Variants in KCNG3 observed in about 807,000 individuals in gnomAD.
KCNG3 encodes voltage-gated potassium channel regulatory subunit KCNG3.
KCNG3 carries 15 observed loss-of-function variants against 29.0 expected under a neutral mutation model. That is an observed-to-expected ratio of 0.52 (90% confidence interval 0.35 to 0.80). The LOEUF (loss-of-function observed/expected upper bound fraction) is 0.80. KCNG3 is among the 30% of genes least tolerant of loss of function. The pLI, the probability that KCNG3 is intolerant of heterozygous loss-of-function variation, is 0.01. For missense variants in KCNG3, 512 were observed against 605.7 expected (o/e 0.85, Z 1.62); for synonymous variants, 322 against 248.9 (o/e 1.29, Z -2.76).
chr2:42,466,044 T>C (rs1359403542), intron 1 of KCNG3, among the ~76,000 whole-genome samples: 1 of 152,208 alleles, frequency 6.6e-6, no homozygotes. Flanking sequence ...ATCGTATATA[T>C]GACAGTAGTT....
At chr2:42,409,925 T>G in the KCNG3 span, among the ~76,000 whole-genome samples, 2 of 152,066 alleles carry the variant, frequency 1.3e-5, no homozygotes, top group Non-Finnish European at 2.9e-5. Context: ...AGTCATTTCA[T>G]GAAGCTTACA....
chr2:42,443,931 G>C lies in KCNG3; in HGVS notation c.*3C>G. The C allele has an allele frequency of 6.3e-7, 1 of 1,599,106 alleles. No individual in the cohort carries two copies. The highest frequency in any genetic ancestry group is 8.5e-7 in the Non-Finnish European group (1 of 1,173,066). ...GTGTATGCAAGAATTGATTTGCAAT[G>C]CATTAATTCAGGAATTCAGTGGAGA... On this transcript the variant is annotated 3_prime_UTR_variant, in exon 2 of 2. Coordinates refer to ENST00000306078, the MANE Select transcript of KCNG3 (RefSeq NM_133329.6).
chr2:42,415,955 G>T, the KCNG3 span, among the ~76,000 whole-genome samples: 1 of 152,202 alleles, frequency 6.6e-6, no homozygotes, highest in Non-Finnish European at 1.5e-5. Flanking sequence ...AGTACTTTGG[G>T]AGGCCGATGT....
At chr2:42,428,033 T>C in the KCNG3 span, among the ~76,000 whole-genome samples, 4 of 152,232 alleles carry the variant, frequency 2.6e-5, no homozygotes, top group Non-Finnish European at 4.4e-5. Flanking sequence ...ATAGTGTCTA[T>C]GTATTTTTAA....
chr2:42,458,934 C>T (rs535217626), intron 1 of KCNG3, among the ~76,000 whole-genome samples: 15 of 152,084 alleles, frequency 9.9e-5, no homozygotes, highest in Non-Finnish European at 1.9e-4. Context: ...AATGGCCAGA[C>T]GCCTGAAATC....
intron 1 of KCNG3, among the ~76,000 whole-genome samples, chr2:42,491,990 T>C (rs965211935): frequency 2.6e-5 from 4 of 152,228 alleles, no homozygotes; most frequent in African/African-American, 9.6e-5. Context: ...CCACTGAATA[T>C]GCTCACTTGT....
rs559234717 is a variant in KCNG3, at chr2:42,474,087, G to C, written c.665+18750C>G. 2.6e-3 allele frequency among the ~76,000 whole-genome samples: 402 copies of C among 152,024 alleles called. 1 individual carries two copies. Among genetic ancestry groups the C allele is most frequent in the Non-Finnish European group, 4.9e-3 (330 of 67,978 alleles). ...GAATCGCTTGAACCCAGGAGGCAGA[G>C]GTTGCAGTGAGCCGAGATCACCCCT... is the stretch of plus-strand genomic sequence containing the variant. On this transcript the variant is annotated intron_variant, in intron 1 of 1. Coordinates refer to ENST00000306078, the MANE Select transcript of KCNG3 (RefSeq NM_133329.6).
At chr2:42,486,429 A>T (rs1673728785) in intron 1 of KCNG3, among the ~76,000 whole-genome samples, 1 of 152,178 alleles carries the variant, frequency 6.6e-6, no homozygotes. Context: ...GGTGTTTTTA[A>T]AACACATATC....
At chr2:42,419,565 T>C in the KCNG3 span, among the ~76,000 whole-genome samples, 1 of 152,170 alleles carries the variant, frequency 6.6e-6, no homozygotes, top group South Asian at 2.1e-4. Context: ...CAGATGGTAT[T>C]TCTTAATATC....
chr2:42,460,862 T>C (rs1390424485), intron 1 of KCNG3, among the ~76,000 whole-genome samples: 2 of 152,084 alleles, frequency 1.3e-5, no homozygotes, highest in Non-Finnish European at 2.9e-5. Flanking sequence ...TTTGATTTTC[T>C]TAACTGATAA....
In KCNG3 at chr2:42,443,060, G is replaced by A. The variant is rs961203086; in HGVS notation, c.*874C>T. The A allele has an allele frequency of 6.6e-6, 1 of 152,076 alleles. No homozygotes were observed. The highest frequency in any genetic ancestry group is 2.4e-5 in the African/African-American group (1 of 41,410). 9.4% of individuals were successfully genotyped at this position (152,076 alleles called of 1,614,324 possible). A position where few individuals can be genotyped will look rare whatever the true frequency, so the allele number is the denominator to read the frequency against. ...AAACCTCTAGTGTTTGGGGGAGGAG[G>A]TTAAGAGAAGAAGAGGTTGTAATAT... On this transcript the variant is annotated 3_prime_UTR_variant, in exon 2 of 2. Transcript: ENST00000306078.
chr2:42,408,876 G>C, the KCNG3 span, among the ~76,000 whole-genome samples: 6 of 152,186 alleles, frequency 3.9e-5, no homozygotes, highest in Admixed American at 6.5e-5. Flanking sequence ...AGCTCCCTGA[G>C]GCAGGGCTGT....
At chr2:42,470,934 G>A (rs1163319376) in intron 1 of KCNG3, among the ~76,000 whole-genome samples, 2 of 151,772 alleles carry the variant, frequency 1.3e-5, no homozygotes, top group African/African-American at 4.8e-5. Context: ...AAAAGTGGAA[G>A]GATCACTTGA....
chr2:42,414,259 G>A, the KCNG3 span, among the ~76,000 whole-genome samples: 10 of 152,210 alleles, frequency 6.6e-5, no homozygotes, highest in South Asian at 1.9e-3. Flanking sequence ...AAGGTCTGTT[G>A]GTAGTAAGTT....
chr2:42,481,865 G>C (rs1263371884), intron 1 of KCNG3, among the ~76,000 whole-genome samples: 3 of 152,162 alleles, frequency 2.0e-5, no homozygotes, highest in African/African-American at 7.2e-5. Context: ...ACAGAGGCCT[G>C]TACTAATCAT....
intron 1 of KCNG3, among the ~76,000 whole-genome samples, chr2:42,478,245 A>AT (rs995908663): frequency 2.6e-5 from 4 of 151,776 alleles, no homozygotes; most frequent in African/African-American, 9.7e-5. Flanking sequence ...TTAAACTAGA[A>AT]TTTTTTTTGA....
chr2:42,475,831 A>G (rs888030731), intron 1 of KCNG3, among the ~76,000 whole-genome samples: 1 of 152,142 alleles, frequency 6.6e-6, no homozygotes, highest in Non-Finnish European at 1.5e-5. Context: ...TAAGGAAGCC[A>G]AGGTGGGTGG....
At chr2:42,398,283 G>C in the KCNG3 span, among the ~76,000 whole-genome samples, 1 of 139,392 alleles carries the variant, frequency 7.2e-6, no homozygotes, top group Non-Finnish European at 1.6e-5. Flanking sequence ...ATAAAATCAA[G>C]AAGAAAGAAT....
intron 1 of KCNG3, among the ~76,000 whole-genome samples, chr2:42,486,597 C>T (rs1673732047): frequency 6.6e-6 from 1 of 152,232 alleles, no homozygotes; most frequent in Admixed American, 6.5e-5. Flanking sequence ...ATGGGCCTTC[C>T]TTCTGTCCTG....
Sources: gnomAD v4.1 joint callset for allele counts (sites outside exome capture counted in the v4.1 genomes callset) on GRCh38, gnomAD v4.1.1 for gene constraint, MANE v1.5 for transcripts, NCBI Gene and HGNC (gene_info 2026-07-23, HGNC 2026-07-21) for gene names.